APBA2: variants seen among roughly 807,000 people sequenced by gnomAD.
The protein encoded by APBA2 is amyloid beta precursor protein binding family A member 2, also known as amyloid-beta A4 precursor protein-binding family A member 2.
Under a neutral mutation model 75.0 loss-of-function variants are expected in APBA2, and 30 were observed. That is an observed-to-expected ratio of 0.40 (90% CI 0.30 to 0.54). The LOEUF (loss-of-function observed/expected upper bound fraction) is 0.54. Among genes scored for constraint, APBA2 ranks in the 20% least tolerant of loss-of-function variants. APBA2 has a pLI of 0.49. For synonymous variants in APBA2, 444 were observed against 409.6 expected (o/e 1.08, Z -1.01); for missense variants, 801 against 1,016.1 (o/e 0.79, Z 2.88).
At chr15:28,892,691 A>G (rs1157091628) in intron 1 of APBA2, among the ~76,000 whole-genome samples, 1 of 150,766 alleles carries the variant, frequency 6.6e-6, no homozygotes, top group Non-Finnish European at 1.5e-5. Flanking sequence ...ATGTATGTGT[A>G]TATATATATA....
At chr15:28,932,722 A>G (rs930362213) in intron 2 of APBA2, among the ~76,000 whole-genome samples, 5 of 152,172 alleles carry the variant, frequency 3.3e-5, no homozygotes, top group Admixed American at 2.6e-4. Flanking sequence ...TCCTGAGGGA[A>G]TGAAAATGAG....
Position 29,106,790 on chromosome 15 carries a change from C to T in APBA2, c.1888C>T (p.Pro630Ser). 1 of 1,612,898 alleles carries T rather than the reference C, an allele frequency of 6.2e-7. No individual in the cohort carries two copies. Among genetic ancestry groups the T allele is most frequent in the Middle Eastern group, 1.7e-4 (1 of 6,060 alleles). ...CAATGGCACCAGCCTGGTGGGGCTGCCCCTCGCCACCTGCCAAGGCATCAT... is the reference window on the plus strand; with the variant it reads ...CAATGGCACCAGCCTGGTGGGGCTGTCCCTCGCCACCTGCCAAGGCATCAT... Reference protein sequence around the residue: ...SINGTSLVGLPLATCQGIIKG... With the variant: ...SINGTSLVGLSLATCQGIIKG... Residue 630 changes from proline (P) to serine (S), a missense_variant, in exon 12 of 15, where the codon CCC becomes TCC. Coordinates refer to ENST00000683413, the MANE Select transcript of APBA2 (RefSeq NM_001353788.2).
intron 8 of APBA2, among the ~76,000 whole-genome samples, chr15:29,097,245 A>G (rs555360936): frequency 6.6e-6 from 1 of 152,378 alleles, no homozygotes; most frequent in African/African-American, 2.4e-5. Context: ...AATCCAGGAA[A>G]CGTAACCTGA....
At chr15:28,926,922 T>G (rs2034298291) in intron 2 of APBA2, among the ~76,000 whole-genome samples, 1 of 150,596 alleles carries the variant, frequency 6.6e-6, no homozygotes, top group South Asian at 2.1e-4. Flanking sequence ...AGTGGTGCTA[T>G]CTCGGCTCAC....
chr15:28,957,386 T>C (rs2036231607), intron 2 of APBA2, among the ~76,000 whole-genome samples: 1 of 152,192 alleles, frequency 6.6e-6, no homozygotes, highest in Non-Finnish European at 1.5e-5. Flanking sequence ...GCCTGAGCTC[T>C]TGTTTTCACT....
At chr15:29,092,068 C>G (rs2043600233) in intron 6 of APBA2, among the ~76,000 whole-genome samples, 1 of 152,182 alleles carries the variant, frequency 6.6e-6, no homozygotes, top group Non-Finnish European at 1.5e-5. Context: ...GACTGCAGCC[C>G]CAATCGCAAA....
chr15:29,032,175 G>GTCA (rs2040522368), intron 3 of APBA2, among the ~76,000 whole-genome samples: 1 of 152,242 alleles, frequency 6.6e-6, no homozygotes. Context: ...TTCCTGTGTA[G>GTCA]TCATGATGGT....
intron 6 of APBA2, among the ~76,000 whole-genome samples, chr15:29,085,516 C>A (rs185283122): frequency 0.034 from 4,671 of 138,916 alleles, 272 homozygotes; most frequent in African/African-American, 0.13. Context: ...CAGAGTAAGA[C>A]TCCATCTCAA....
chr15:28,956,053 G>C (rs899899040), intron 2 of APBA2, among the ~76,000 whole-genome samples: 4 of 152,198 alleles, frequency 2.6e-5, no homozygotes, highest in African/African-American at 7.2e-5. Context: ...ATCCGGTCCA[G>C]CTCTGGCCTG....
chr15:29,098,678 G>T, intron 9 of APBA2, 102 bp downstream of exon 9: 1 of 978,148 alleles, frequency 1.0e-6, no homozygotes, highest in Non-Finnish European at 1.6e-6. Context: ...TCTCTCCTGT[G>T]CTCTCTGCGC....
At chr15:29,093,042 C>T (rs779167948) in intron 6 of APBA2, 33 bp from the exon 7 acceptor site, 9 of 1,613,882 alleles carry the variant, frequency 5.6e-6, no homozygotes, top group Non-Finnish European at 7.6e-6. Context: ...GACTTCTCCT[C>T]TAGGAAGACT....
chr15:28,985,100 A>T (rs975102106), intron 2 of APBA2, among the ~76,000 whole-genome samples: 1 of 152,072 alleles, frequency 6.6e-6, no homozygotes, highest in African/African-American at 2.4e-5. Context: ...TGGCTGTGGC[A>T]GGAAGGTTTG....
chr15:29,041,334 T>G (rs2152863180), intron 3 of APBA2, among the ~76,000 whole-genome samples: 1 of 151,804 alleles, frequency 6.6e-6, no homozygotes, highest in South Asian at 2.1e-4. Flanking sequence ...TAAATAAAAT[T>G]TTGCTGAGCC....
At chr15:29,076,174 C>T (rs561071100) in intron 6 of APBA2, 83 bp downstream of exon 6, 2 of 1,433,948 alleles carry the variant, frequency 1.4e-6, no homozygotes, top group South Asian at 2.3e-5. Context: ...GGGCATTCAC[C>T]TGCAAAGCTT....
chr15:28,937,507 A>G (rs2034945861), intron 2 of APBA2, among the ~76,000 whole-genome samples: 1 of 152,068 alleles, frequency 6.6e-6, no homozygotes, highest in African/African-American at 2.4e-5. Flanking sequence ...CGGTTCCTGA[A>G]GCTCAGAGGT....
In APBA2 at chr15:29,117,472, G is replaced by C. The variant is rs532949732; in HGVS notation, c.*339G>C. ...TCTTTCCTCCCTGAAGCTGTGCGGA[G>C]CGAACTGGCGCCTCCGAGGGACGCG... On this transcript the variant is annotated 3_prime_UTR_variant, in exon 15 of 15. Transcript: ENST00000683413. The C allele has an allele frequency of 2.6e-4, 92 of 356,272 alleles. No individual in the cohort carries two copies. Among genetic ancestry groups the C allele is most frequent in the African/African-American group, 1.8e-3 (87 of 47,534 alleles). The allele number at this position is 356,272 out of a possible 1,614,324, so 22.1% of individuals were successfully genotyped here.
intron 3 of APBA2, among the ~76,000 whole-genome samples, chr15:29,050,075 A>G (rs1435204423): frequency 6.6e-6 from 1 of 152,238 alleles, no homozygotes; most frequent in Non-Finnish European, 1.5e-5. Context: ...TTATCTAGAC[A>G]TAGTTTGCTG....
intron 2 of APBA2, chr15:28,961,462 G>T (rs1032814637): frequency 1.3e-5 from 2 of 152,238 alleles, no homozygotes; most frequent in Admixed American, 6.5e-5. Context: ...GGTGAACTGT[G>T]TGGGGCCCAA....
At chr15:28,919,587 C>G (rs2033861959) in intron 1 of APBA2, 1 of 152,568 alleles carries the variant, frequency 6.6e-6, no homozygotes, top group Admixed American at 6.5e-5. Context: ...CTGGTTCTTC[C>G]CAGAGGAGGC....
Sources: allele counts gnomAD v4.1 joint callset (sites outside exome capture counted in the v4.1 genomes callset), GRCh38; gene constraint gnomAD v4.1.1; transcripts MANE v1.5; gene names NCBI Gene and HGNC (gene_info 2026-07-23, HGNC 2026-07-21).